Variants in TMEM126B observed in about 807,000 individuals in gnomAD.
TMEM126B encodes transmembrane protein 126B.
TMEM126B carries 19 observed loss-of-function variants against 16.5 expected under a neutral mutation model. The ratio of observed to expected loss-of-function variants is 1.15; its 90% CI spans 0.80 to 1.69. TMEM126B has a LOEUF of 1.69. Among genes scored for constraint, TMEM126B ranks in the 40% most tolerant of loss-of-function variants. The pLI, the probability that TMEM126B is intolerant of heterozygous loss-of-function variation, is 0.00. For synonymous variants in TMEM126B, 104 were observed against 93.2 expected, an observed-to-expected ratio of 1.12 and a Z score of -0.67; for missense variants, 293 against 278.7, an observed-to-expected ratio of 1.05 and a Z score of -0.37.
chr11:85,635,921 AACTT>A, intron 4 of TMEM126B, 121 bp from the exon 5 acceptor site: 1 of 1,181,896 alleles, frequency 8.5e-7, no homozygotes, highest in Non-Finnish European at 1.2e-6. Flanking sequence ...TCAGATAGCT[AACTT>A]TTAACTTTTT....
chr11:85,632,852 G>A (rs2082328664), intron 2 of TMEM126B, among the ~76,000 whole-genome samples: 1 of 151,718 alleles, frequency 6.6e-6, no homozygotes, highest in Admixed American at 6.6e-5. Flanking sequence ...TGCACAATGT[G>A]CAGGTTAGTT....
In TMEM126B at chr11:85,636,503, TA is replaced by T; in HGVS notation, c.*278del. 1 of 202,590 alleles carries T rather than the reference TA, an allele frequency of 4.9e-6. No homozygotes were observed. Among genetic ancestry groups the T allele is most frequent in the South Asian group, 1.7e-4 (1 of 5,996 alleles). 12.5% of individuals were successfully genotyped at this position (202,590 alleles called of 1,614,324 possible). A position where few individuals can be genotyped will look rare whatever the true frequency, so the allele number is the denominator to read the frequency against. On this transcript the variant is annotated 3_prime_UTR_variant, in exon 5 of 5. Coordinates refer to ENST00000358867, the MANE Select transcript of TMEM126B (RefSeq NM_018480.7). ...TATCCAGTGTCAATAAATGTAACAA[TA>T]AAAGTTTCATCTTTCCTCTTTGTAT...
chr11:85,632,714 T>G (rs1476130651), intron 2 of TMEM126B, among the ~76,000 whole-genome samples: 1 of 152,144 alleles, frequency 6.6e-6, no homozygotes, highest in Non-Finnish European at 1.5e-5. Context: ...TTTAGCAAAT[T>G]TATACAGTTA....
rs193148316 is a variant in TMEM126B, at chr11:85,629,332, G to A, written c.81+644G>A. 27 of 1,007,620 alleles carry A rather than the reference G, an allele frequency of 2.7e-5. 1 individual carries two copies. The African/African-American group carries it at 3.2e-4, about 12-fold the overall frequency. 62.4% of individuals were successfully genotyped at this position (1,007,620 alleles called of 1,614,324 possible). On this transcript the variant is annotated intron_variant, in intron 1 of 4. Transcript: ENST00000358867. ...ATACACATGAAAGCACTACAAAACC[G>A]TTAGATGATTTGCAAACTATAAACC... is the stretch of plus-strand genomic sequence containing the variant.
intron 2 of TMEM126B, among the ~76,000 whole-genome samples, chr11:85,632,806 T>TTTA (rs996555163): frequency 2.6e-5 from 4 of 151,832 alleles, no homozygotes; most frequent in African/African-American, 9.7e-5. Flanking sequence ...TTTTTTTTAT[T>TTTA]TTATTATTAT....
rs1294571079 is a variant in TMEM126B, at chr11:85,634,056, G to T, written c.204-30G>T. ...TGTATCCATTAAGTTCAATGGTATAGTGAACTGAATTTTTCTTTTTTTCTA... is the reference window on the plus strand; with the variant it reads ...TGTATCCATTAAGTTCAATGGTATATTGAACTGAATTTTTCTTTTTTTCTA... On this transcript the variant is annotated intron_variant, in intron 2 of 4. Transcript: ENST00000358867. 3.3e-6 allele frequency: 5 copies of T among 1,532,058 alleles called. No homozygotes were observed. The African/African-American group carries it at 7.5e-5, about 23-fold the overall frequency. 94.9% of individuals were successfully genotyped at this position (1,532,058 alleles called of 1,614,324 possible).
Position 85,636,357 on chromosome 11 carries a change from C to G in TMEM126B, c.*128C>G. 1 of 562,022 alleles carries G rather than the reference C, an allele frequency of 1.8e-6. No individual in the cohort carries two copies. Among genetic ancestry groups the G allele is most frequent in the East Asian group, 3.2e-5 (1 of 31,200 alleles). 34.8% of individuals were successfully genotyped at this position (562,022 alleles called of 1,614,324 possible). A position where few individuals can be genotyped will look rare whatever the true frequency, so the allele number is the denominator to read the frequency against. ...TCTGTGCCTTTTGCCTGGTATATAG[C>G]AAATACTCAAAAAGTATTCAATAAT... On this transcript the variant is annotated 3_prime_UTR_variant, in exon 5 of 5. Coordinates refer to ENST00000358867, the MANE Select transcript of TMEM126B (RefSeq NM_018480.7).
chr11:85,634,070 T>C lies in TMEM126B; in HGVS notation c.204-16T>C. 2 of 1,591,980 alleles carry C rather than the reference T, an allele frequency of 1.3e-6. No individual in the cohort carries two copies. Among genetic ancestry groups the C allele is most frequent in the Non-Finnish European group, 1.7e-6 (2 of 1,172,516 alleles). On this transcript the variant is annotated splice_polypyrimidine_tract_variant and intron_variant, in intron 2 of 4. Transcript: ENST00000358867. ...TCAATGGTATAGTGAACTGAATTTTTCTTTTTTTCTATTAGGACACAAAAT... is the reference window on the plus strand; with the variant it reads ...TCAATGGTATAGTGAACTGAATTTTCCTTTTTTTCTATTAGGACACAAAAT...
chr11:85,635,821 C>CTTTTCT, intron 4 of TMEM126B, 43 bp downstream of exon 4: 1 of 867,438 alleles, frequency 1.2e-6, no homozygotes, highest in South Asian at 2.2e-5. Flanking sequence ...CTTTTCTTTT[C>CTTTTCT]TTTTTTTTTT....
In TMEM126B at chr11:85,628,625, T is replaced by C. The variant is rs1440439616; in HGVS notation, c.18T>C (p.Tyr6=). 6.5e-7 allele frequency: 1 copy of C among 1,536,078 alleles called. No individual in the cohort carries two copies. The highest frequency in any genetic ancestry group is 8.7e-7 in the Non-Finnish European group (1 of 1,146,868). Residue 6 remains tyrosine (Y), a synonymous_variant, in exon 1 of 5, where the codon TAT becomes TAC. Coordinates refer to ENST00000358867, the MANE Select transcript of TMEM126B (RefSeq NM_018480.7). ...CCACCAAAATGGTGGTGTTCGGGTATGAGGCTGGGACTAAGCCAAGGGATT... is the reference window on the plus strand; with the variant it reads ...CCACCAAAATGGTGGTGTTCGGGTACGAGGCTGGGACTAAGCCAAGGGATT... MVVFG[Y]EAGTKPRDSG... is the part of the protein sequence containing the mutation.
At chr11:85,633,606 G>A (rs953692979) in intron 2 of TMEM126B, among the ~76,000 whole-genome samples, 1 of 152,190 alleles carries the variant, frequency 6.6e-6, no homozygotes, top group Non-Finnish European at 1.5e-5. Context: ...GTCTTCTTTT[G>A]AGAAGTGTCT....
chr11:85,629,002 G>T (rs1420866687), intron 1 of TMEM126B: 15 of 490,086 alleles, frequency 3.1e-5, no homozygotes, highest in Non-Finnish European at 5.1e-5. Flanking sequence ...GTTCTCTTTC[G>T]GTTATTGATT....
intron 2 of TMEM126B, among the ~76,000 whole-genome samples, chr11:85,633,674 C>T (rs892189144): frequency 6.6e-6 from 1 of 152,114 alleles, no homozygotes; most frequent in Non-Finnish European, 1.5e-5. Context: ...GAAGGCCTAA[C>T]CAAATGTAAA....
chr11:85,633,248 T>G (rs1003711717), intron 2 of TMEM126B, among the ~76,000 whole-genome samples: 2 of 152,210 alleles, frequency 1.3e-5, no homozygotes, highest in African/African-American at 4.8e-5. Context: ...TTGTGAATAG[T>G]GCCACAATAA....
intron 1 of TMEM126B, 104 bp downstream of exon 1, chr11:85,628,792 A>G: frequency 1.7e-6 from 2 of 1,183,194 alleles, no homozygotes; most frequent in South Asian, 2.6e-5. Flanking sequence ...AAAAGTTAAA[A>G]CAGCTCCCAA....
chr11:85,634,434 A>G (rs1379154723), intron 3 of TMEM126B, 155 bp downstream of exon 3: 1 of 590,188 alleles, frequency 1.7e-6, no homozygotes, highest in Admixed American at 3.6e-5. Context: ...AATCCCTGCA[A>G]CAATCCTCCT....
chr11:85,633,639 T>C (rs2082346291), intron 2 of TMEM126B, among the ~76,000 whole-genome samples: 1 of 152,252 alleles, frequency 6.6e-6, no homozygotes, highest in Admixed American at 6.5e-5. Context: ...TTATTTTAAA[T>C]GTATCTGGGA....
rs1046216 is a variant in TMEM126B, at chr11:85,636,371, G to A, written c.*142G>A. 0.25 allele frequency: 123,314 copies of A among 492,772 alleles called. 16,950 individuals carry two copies. The highest frequency in any genetic ancestry group is 0.41 in the African/African-American group (20,648 of 50,796). The allele number at this position is 492,772 out of a possible 1,614,324, so 30.5% of individuals were successfully genotyped here. On this transcript the variant is annotated 3_prime_UTR_variant, in exon 5 of 5. Transcript: ENST00000358867. The stretch of plus-strand genomic sequence containing the variant: ...CTGGTATATAGCAAATACTCAAAAA[G>A]TATTCAATAATTCAATCAATAAATA...
intron 1 of TMEM126B, chr11:85,631,129 TCTC>T: frequency 6.2e-6 from 8 of 1,290,094 alleles, no homozygotes; most frequent in Non-Finnish European, 8.1e-6. Context: ...ATCCCTGCTC[TCTC>T]CTACCTCTCT....
Sources: allele counts gnomAD v4.1 joint callset (sites outside exome capture counted in the v4.1 genomes callset), GRCh38; gene constraint gnomAD v4.1.1; transcripts MANE v1.5; gene names NCBI Gene and HGNC (gene_info 2026-07-23, HGNC 2026-07-21).